Variants in CACNA1C observed in about 807,000 individuals in gnomAD.
CACNA1C encodes calcium voltage-gated channel subunit alpha1 C.
Under a neutral mutation model 229.0 loss-of-function variants are expected in CACNA1C, and 30 were observed. That is an observed-to-expected ratio of 0.13 (90% CI 0.10 to 0.18). The LOEUF (loss-of-function observed/expected upper bound fraction) is 0.18. CACNA1C is among the 10% of genes least tolerant of loss of function. The probability of loss-of-function intolerance (pLI) is 1.00; values close to 1 mark genes in which losing one functional copy is unlikely to be tolerated. For missense variants in CACNA1C, 1,658 were observed against 2,845.0 expected (o/e 0.58, Z 9.49); for synonymous variants, 1,114 against 1,132.5 (o/e 0.98, Z 0.33).
At chr12:2,549,142 G>T (rs2099890440) in intron 9 of CACNA1C, among the ~76,000 whole-genome samples, 1 of 152,156 alleles carries the variant, frequency 6.6e-6, no homozygotes, top group Non-Finnish European at 1.5e-5. Flanking sequence ...TGGAAATTCA[G>T]CCCACAGCTG....
rs1207824260 is a variant in CACNA1C, at chr12:2,181,437, C to T, written c.477+61007C>T. Among the ~76,000 whole-genome samples the T allele has an allele frequency of 6.6e-6, 1 of 152,066 alleles. No individual in the cohort carries two copies. Among genetic ancestry groups the T allele is most frequent in the Non-Finnish European group, 1.5e-5 (1 of 68,020 alleles). On this transcript the variant is annotated intron_variant, in intron 3 of 46. Coordinates refer to ENST00000399655, the MANE Select transcript of CACNA1C (RefSeq NM_000719.7). This position sits in a 1 kb window ranked among gnomAD's most constrained non-coding sequence, Gnocchi z 4.0. ...ACATGATCACAGCAGACTGACACGG[C>T]GAGCTGAAACAAACAGGAAAACATT...
In CACNA1C at chr12:2,458,025, TAGC is replaced by T. The variant is rs372573440; in HGVS notation, c.757+322_757+324del. The stretch of plus-strand genomic sequence containing the variant: ...GGGATGGGGATTTAAATACATTTTG[TAGC>T]AGAAGAGCCAGGTGGCTAATCTCCG... On this transcript the variant is annotated intron_variant, in intron 5 of 46. Transcript: ENST00000399655. 5.1e-4 allele frequency among the ~76,000 whole-genome samples: 78 copies of T among 152,330 alleles called. No homozygotes were observed. In the South Asian group the frequency reaches 0.016, roughly 31 times the overall value.
intron 1 of CACNA1C, among the ~76,000 whole-genome samples, chr12:1,994,967 T>C (rs112137896): frequency 0.029 from 4,131 of 140,646 alleles, 96 homozygotes; most frequent in Middle Eastern, 0.059. Flanking sequence ...GAAGAAAGCC[T>C]TCAACATTCT....
intron 1 of CACNA1C, among the ~76,000 whole-genome samples, chr12:2,015,949 A>G (rs568157977): frequency 6.6e-6 from 1 of 152,240 alleles, no homozygotes; most frequent in Non-Finnish European, 1.5e-5. Flanking sequence ...CAAGCACTTA[A>G]TAAATACAAA....
chr12:2,077,234 A>T (rs2063539472), intron 1 of CACNA1C, among the ~76,000 whole-genome samples: 1 of 152,258 alleles, frequency 6.6e-6, no homozygotes, highest in South Asian at 2.1e-4. Context: ...ATAATGGGGT[A>T]TCCCACATAT....
chr12:1,995,574 C>T (rs1233610177), intron 1 of CACNA1C, among the ~76,000 whole-genome samples: 5 of 152,248 alleles, frequency 3.3e-5, no homozygotes, highest in African/African-American at 7.2e-5. Context: ...GCCTCCCATT[C>T]CTTCCTTCCA....
chr12:2,135,198 A>G (rs2093143517), intron 3 of CACNA1C, among the ~76,000 whole-genome samples: 1 of 144,706 alleles, frequency 6.9e-6, no homozygotes, highest in Non-Finnish European at 1.5e-5. Context: ...TATTCTAGTT[A>G]TACATTCTTC....
chr12:2,597,177 T>TGCTTTTCTCCCTTCCCCATCCC lies in CACNA1C; in HGVS notation c.2794-52_2794-31dup. On this transcript the variant is annotated intron_variant, in intron 20 of 46. Coordinates refer to ENST00000399655, the MANE Select transcript of CACNA1C (RefSeq NM_000719.7). This position sits in a 1 kb window ranked among gnomAD's most constrained non-coding sequence, Gnocchi z 4.3. Reference sequence around the variant, plus strand: ...CATCCACTGACCTCTCTTCCCGTCCTGCTTTTCTCCCTTCCCCATCCCATC... The same window carrying TGCTTTTCTCCCTTCCCCATCCC: ...CATCCACTGACCTCTCTTCCCGTCCTGCTTTTCTCCCTTCCCCATCCCGCTTTTCTCCCTTCCCCATCCCATC... 2.5e-6 allele frequency: 3 copies of TGCTTTTCTCCCTTCCCCATCCC among 1,191,696 alleles called. No homozygotes were observed. The highest frequency in any genetic ancestry group is 3.5e-5 in the Admixed American group (2 of 57,774). The allele number at this position is 1,191,696 out of a possible 1,614,324, so 73.8% of individuals were successfully genotyped here. A position where few individuals can be genotyped will look rare whatever the true frequency, so the allele number is the denominator to read the frequency against.
intron 9 of CACNA1C, among the ~76,000 whole-genome samples, chr12:2,532,379 T>A (rs1161060232): frequency 6.6e-6 from 1 of 152,096 alleles, no homozygotes; most frequent in Non-Finnish European, 1.5e-5. Context: ...CCTTCCTCTC[T>A]GACATCTGTG....
At chr12:2,106,190 T>TG (rs1369262975) in intron 1 of CACNA1C, among the ~76,000 whole-genome samples, 5 of 50,152 alleles carry the variant, frequency 1.0e-4, no homozygotes, top group Admixed American at 4.1e-4. Flanking sequence ...CCACCTCAGC[T>TG]GGGCGTCCTG....
intron 1 of CACNA1C, among the ~76,000 whole-genome samples, chr12:1,985,608 T>A (rs1593101157): frequency 6.6e-6 from 1 of 152,212 alleles, no homozygotes; most frequent in East Asian, 1.9e-4. Context: ...GATTTTTTCC[T>A]TGACAGTTTG....
In CACNA1C at chr12:2,479,652, G is replaced by A. The variant is rs1313952270; in HGVS notation, c.758-6452G>A. Among the ~76,000 whole-genome samples the A allele has an allele frequency of 3.9e-5, 6 of 152,242 alleles. No homozygotes were observed. The highest frequency in any genetic ancestry group is 1.2e-4 in the African/African-American group (5 of 41,470). On this transcript the variant is annotated intron_variant, in intron 5 of 46. Coordinates refer to ENST00000399655, the MANE Select transcript of CACNA1C (RefSeq NM_000719.7). The surrounding 1 kb of genome is among the most constrained non-coding windows in gnomAD (Gnocchi z 4.3). ...GACAGCCAGTTCAAGTTAAGGAGCA[G>A]CTTTCTAAAACTCCATGTCCTGACT...
At chr12:1,991,677 C>A (rs756388177) in intron 1 of CACNA1C, 1 of 166,864 alleles carries the variant, frequency 6.0e-6, no homozygotes, top group Admixed American at 6.0e-5. Flanking sequence ...GGACAGCACA[C>A]GCTTAGAACC....
At position 2,067,924 on chromosome 12, in the gene CACNA1C, T is replaced by C. The variant is rs1462651570; in HGVS notation, c.49+14313T>C. On this transcript the variant is annotated intron_variant, in intron 1 of 46. Coordinates refer to ENST00000399655, the MANE Select transcript of CACNA1C (RefSeq NM_000719.7). The surrounding 1 kb of genome is among the most constrained non-coding windows in gnomAD (Gnocchi z 5.3). ...GATATTGGCTCTCTGGAGAACCGGTTAGCCTTTGTGGAGTGTTAAGCCCTG... is the reference window on the plus strand; with the variant it reads ...GATATTGGCTCTCTGGAGAACCGGTCAGCCTTTGTGGAGTGTTAAGCCCTG... Among the ~76,000 whole-genome samples, 1 of 152,166 alleles carries C rather than the reference T, an allele frequency of 6.6e-6. No homozygotes were observed. The highest frequency in any genetic ancestry group is 1.5e-5 in the Non-Finnish European group (1 of 68,016).
In CACNA1C at chr12:2,186,532, TA is replaced by T. The variant is rs1177592096; in HGVS notation, c.477+66107del. Among the ~76,000 whole-genome samples, 8 of 152,250 alleles carry T rather than the reference TA, an allele frequency of 5.3e-5. 1 individual carries two copies. The highest frequency in any genetic ancestry group is 5.2e-4 in the Admixed American group (8 of 15,300). On this transcript the variant is annotated intron_variant, in intron 3 of 46. Coordinates refer to ENST00000399655, the MANE Select transcript of CACNA1C (RefSeq NM_000719.7). Reference sequence around the variant, plus strand: ...AAGAAATGAAGGGAGAAATAGAGACTAAAAACCCTGGGGGTCAGGGTCTGTG... The same window carrying T: ...AAGAAATGAAGGGAGAAATAGAGACTAAAACCCTGGGGGTCAGGGTCTGTG...
intron 3 of CACNA1C, among the ~76,000 whole-genome samples, chr12:2,292,319 T>G (rs2093594582): frequency 6.6e-6 from 1 of 152,224 alleles, no homozygotes; most frequent in Non-Finnish European, 1.5e-5. Flanking sequence ...ATGTGTTCAG[T>G]TAGACACAGT....
chr12:2,303,137 T>G (rs1430901020), intron 3 of CACNA1C, among the ~76,000 whole-genome samples: 1 of 152,212 alleles, frequency 6.6e-6, no homozygotes, highest in African/African-American at 2.4e-5. Context: ...GAGCCGCTAG[T>G]ATGGACTCGT....
intron 13 of CACNA1C, among the ~76,000 whole-genome samples, chr12:2,577,451 A>G (rs1329531093): frequency 1.3e-5 from 2 of 152,350 alleles, no homozygotes; most frequent in South Asian, 2.1e-4. Flanking sequence ...TGTAGGACAT[A>G]TTGATACATA....
rs755952352 is a variant in CACNA1C, at chr12:2,004,416, C to T, written c.139+33215C>T. The T allele has an allele frequency of 5.0e-6, 8 of 1,610,104 alleles. No homozygotes were observed. In the African/African-American group the frequency reaches 1.1e-4, roughly 21 times the overall value. ...CGCCCCTTTCCCACCAGGCCGCCTG[C>T]CGCCACGGCTGCCATCTTCCCTCCC... On this transcript the variant is annotated intron_variant, in intron 1 of 46. Transcript: ENST00000682462.
Sources: allele counts gnomAD v4.1 joint callset (sites outside exome capture counted in the v4.1 genomes callset), GRCh38; gene constraint gnomAD v4.1.1; non-coding constraint Gnocchi (gnomAD v3.1); transcripts MANE v1.5; gene names NCBI Gene and HGNC (gene_info 2026-07-23, HGNC 2026-07-21).